SCFD2: variants seen among roughly 807,000 people sequenced by gnomAD.
SCFD2 encodes sec1 family domain-containing protein 2.
SCFD2 carries 54 observed loss-of-function variants against 58.9 expected under a neutral mutation model. That is an observed-to-expected ratio of 0.92 (90% CI 0.74 to 1.15). SCFD2 has a LOEUF of 1.15. SCFD2 is among the 50% of genes most tolerant of loss of function. The pLI, the probability that SCFD2 is intolerant of heterozygous loss-of-function variation, is 0.00. For missense variants in SCFD2, 805 were observed against 836.6 expected, an observed-to-expected ratio of 0.96 and a Z score of 0.47; for synonymous variants, 321 against 335.9, an observed-to-expected ratio of 0.96 and a Z score of 0.49.
intron 5 of SCFD2, among the ~76,000 whole-genome samples, chr4:52,975,497 T>C (rs187723787): frequency 0.045 from 6,842 of 152,162 alleles, 218 homozygotes; most frequent in African/African-American, 0.078. Context: ...GTTAGAATGG[T>C]GATCATTAAA....
chr4:53,023,496 T>C (rs1722398900), intron 5 of SCFD2, among the ~76,000 whole-genome samples: 1 of 152,112 alleles, frequency 6.6e-6, no homozygotes, highest in Non-Finnish European at 1.5e-5. Flanking sequence ...CAGATTGCTG[T>C]GATATTAGAC....
intron 5 of SCFD2, among the ~76,000 whole-genome samples, chr4:53,065,157 C>G (rs1235544372): frequency 6.6e-6 from 1 of 152,034 alleles, no homozygotes; most frequent in African/African-American, 2.4e-5. Context: ...AGCAGATCAT[C>G]TCAGTAGAAT....
chr4:52,975,011 A>C (rs1577872839), intron 5 of SCFD2, among the ~76,000 whole-genome samples: 1 of 152,348 alleles, frequency 6.6e-6, no homozygotes, highest in Non-Finnish European at 1.5e-5. Flanking sequence ...CCTTATACAA[A>C]AATTAATTCA....
intron 7 of SCFD2, among the ~76,000 whole-genome samples, chr4:52,891,421 AT>A (rs1718874237): frequency 6.6e-6 from 1 of 152,226 alleles, no homozygotes; most frequent in Non-Finnish European, 1.5e-5. Flanking sequence ...AGTGACAAGC[AT>A]CACTTTATGC....
intron 6 of SCFD2, among the ~76,000 whole-genome samples, chr4:52,915,826 G>A (rs1300378840): frequency 6.6e-6 from 1 of 152,202 alleles, no homozygotes; most frequent in Non-Finnish European, 1.5e-5. Flanking sequence ...AGTTCTGTTA[G>A]AAAGAATCAG....
chr4:52,918,457 G>T (rs566941655), intron 6 of SCFD2, among the ~76,000 whole-genome samples: 53 of 152,174 alleles, frequency 3.5e-4, no homozygotes, highest in Non-Finnish European at 5.6e-4. Context: ...TTGTCACAAG[G>T]CTTACATCTG....
intron 5 of SCFD2, among the ~76,000 whole-genome samples, chr4:53,018,529 T>A (rs2148812165): frequency 6.6e-6 from 1 of 152,336 alleles, no homozygotes; most frequent in South Asian, 2.1e-4. Context: ...CAATTCATCC[T>A]GAGTGGACAG....
At chr4:53,203,351 A>G (rs1728310483) in intron 4 of SCFD2, among the ~76,000 whole-genome samples, 1 of 152,072 alleles carries the variant, frequency 6.6e-6, no homozygotes. Context: ...GAGAAGGCAT[A>G]ATCAGATTTT....
chr4:53,025,069 C>T (rs1213333609), intron 5 of SCFD2, among the ~76,000 whole-genome samples: 1 of 152,068 alleles, frequency 6.6e-6, no homozygotes, highest in Non-Finnish European at 1.5e-5. Context: ...TGTGGCTCTG[C>T]TGAAAGCTTC....
intron 4 of SCFD2, among the ~76,000 whole-genome samples, chr4:53,190,113 C>T (rs1430662971): frequency 2.0e-5 from 3 of 152,124 alleles, no homozygotes; most frequent in African/African-American, 4.8e-5. Flanking sequence ...TGATCTGAAT[C>T]CCTCCTGAAA....
chr4:53,128,417 C>T (rs566734673), intron 5 of SCFD2, among the ~76,000 whole-genome samples: 4 of 152,272 alleles, frequency 2.6e-5, no homozygotes, highest in African/African-American at 9.6e-5. Flanking sequence ...AAATTAAAGG[C>T]ATGTACTCAT....
intron 4 of SCFD2, among the ~76,000 whole-genome samples, chr4:53,209,431 G>T (rs1253447840): frequency 6.6e-6 from 1 of 152,164 alleles, no homozygotes; most frequent in Non-Finnish European, 1.5e-5. Context: ...CCAAGTGGAA[G>T]TTCAGCACTA....
At chr4:53,317,425 C>CG (rs1732899495) in intron 2 of SCFD2, among the ~76,000 whole-genome samples, 1 of 152,208 alleles carries the variant, frequency 6.6e-6, no homozygotes, top group Non-Finnish European at 1.5e-5. Context: ...AGTTAAGTCA[C>CG]TGCCTTTCTC....
At chr4:53,230,738 T>C (rs1383158457) in intron 4 of SCFD2, among the ~76,000 whole-genome samples, 1 of 152,000 alleles carries the variant, frequency 6.6e-6, no homozygotes, top group Non-Finnish European at 1.5e-5. Context: ...AACCTGCACG[T>C]TGTGCACATG....
intron 7 of SCFD2, among the ~76,000 whole-genome samples, chr4:52,889,854 A>G (rs1718840994): frequency 6.6e-6 from 1 of 152,114 alleles, no homozygotes; most frequent in African/African-American, 2.4e-5. Flanking sequence ...ACTCAACCAT[A>G]CACCTTGGGG....
chr4:53,329,777 T>A (rs1410502153), intron 2 of SCFD2, among the ~76,000 whole-genome samples: 2 of 151,572 alleles, frequency 1.3e-5, no homozygotes, highest in East Asian at 3.9e-4. Context: ...GAAGAAGGCT[T>A]CAGACGATCA....
At chr4:53,228,512 T>C (rs1329747278) in intron 4 of SCFD2, among the ~76,000 whole-genome samples, 9 of 152,188 alleles carry the variant, frequency 5.9e-5, no homozygotes, top group Non-Finnish European at 1.2e-4. Context: ...ATACAAACGT[T>C]AAGATATTTT....
rs529515972 is a variant in SCFD2 at position 53,252,368 on chromosome 4, G to A, written c.1311+21458C>T. On this transcript the variant is annotated intron_variant, in intron 4 of 8. Coordinates refer to ENST00000401642, the MANE Select transcript of SCFD2 (RefSeq NM_152540.4). ...CAAGCTACCAATGCCTTTCTTCACAGAATTGGAAAAAACTACTTTAAAGTT... is the reference window on the plus strand; with the variant it reads ...CAAGCTACCAATGCCTTTCTTCACAAAATTGGAAAAAACTACTTTAAAGTT... Among the ~76,000 whole-genome samples, 436 of 150,880 alleles carry A rather than the reference G, an allele frequency of 2.9e-3. 2 individuals are homozygous for A. The highest frequency in any genetic ancestry group is 0.01 in the African/African-American group (414 of 41,182).
intron 3 of SCFD2, among the ~76,000 whole-genome samples, chr4:53,277,401 G>T (rs1731359703): frequency 1.3e-5 from 2 of 152,226 alleles, no homozygotes; most frequent in Admixed American, 1.3e-4. Flanking sequence ...GGTGATGGCA[G>T]TGTGGCTCCT....
Sources: gnomAD v4.1 joint callset for allele counts (sites outside exome capture counted in the v4.1 genomes callset) on GRCh38, gnomAD v4.1.1 for gene constraint, MANE v1.5 for transcripts, NCBI Gene and HGNC (gene_info 2026-07-23, HGNC 2026-07-21) for gene names.